Variants in RPS6KA1 observed in about 807,000 individuals in gnomAD.
RPS6KA1 encodes the protein ribosomal protein S6 kinase A1.
Under a neutral mutation model 91.3 loss-of-function variants are expected in RPS6KA1, and 48 were observed. That is an observed-to-expected ratio of 0.53 (90% CI 0.42 to 0.67). The LOEUF (loss-of-function observed/expected upper bound fraction) is 0.67. RPS6KA1 is among the 30% of genes least tolerant of loss of function. The pLI is 0.00. For missense variants in RPS6KA1, 719 were observed against 960.5 expected (o/e 0.75, Z 3.32); for synonymous variants, 359 against 384.7 (o/e 0.93, Z 0.78).
chr1:26,563,803 T>TG (rs1323796545), intron 17 of RPS6KA1, among the ~76,000 whole-genome samples: 12 of 152,110 alleles, frequency 7.9e-5, no homozygotes, highest in Middle Eastern at 3.2e-3. Context: ...TTCAGTTTTT[T>TG]GGGGGGGATG....
Position 26,561,528 on chromosome 1 carries a change from G to A in RPS6KA1, c.1455G>A (p.Val485=), listed in dbSNP as rs1236876824. 6.2e-7 allele frequency: 1 copy of A among 1,614,148 alleles called. No individual in the cohort carries two copies. Among genetic ancestry groups the A allele is most frequent in the Non-Finnish European group, 8.5e-7 (1 of 1,180,018 alleles). ...AGGTGTATGATGATGGCAAACACGT[G>A]TACCTGGTGACAGAGCTGATGCGGG... ...LKDVYDDGKH[V]YLVTELMRGG... Residue 485 remains valine, a synonymous_variant, in exon 17 of 22, where the codon GTG becomes GTA. Transcript: ENST00000374168. The surrounding 1 kb of genome is among the most constrained non-coding windows in gnomAD (Gnocchi z 5.7).
intron 1 of RPS6KA1, among the ~76,000 whole-genome samples, chr1:26,533,418 A>T (rs1231933323): frequency 6.6e-6 from 1 of 152,104 alleles, no homozygotes; most frequent in Non-Finnish European, 1.5e-5. Context: ...TCAAAAAGTG[A>T]TATGAGGCCA....
intron 4 of RPS6KA1, among the ~76,000 whole-genome samples, chr1:26,548,590 G>A (rs964857440): frequency 6.6e-6 from 1 of 152,138 alleles, no homozygotes; most frequent in Non-Finnish European, 1.5e-5. Flanking sequence ...TTGAGGTCAA[G>A]AGTTCGAGAC....
chr1:26,572,103 A>G, intron 19 of RPS6KA1, 73 bp from the exon 20 acceptor site: 1 of 1,352,382 alleles, frequency 7.4e-7, no homozygotes, highest in Non-Finnish European at 1.1e-6. Context: ...GGGGAGACAC[A>G]GTCTCCCACC....
rs2076152013 is a variant in RPS6KA1, at chr1:26,561,256, G to A, written c.1431+122G>A. 1.0e-6 allele frequency: 1 copy of A among 990,480 alleles called. No individual in the cohort carries two copies. Among genetic ancestry groups the A allele is most frequent in the South Asian group, 1.5e-5 (1 of 66,372 alleles). 61.4% of individuals were successfully genotyped at this position (990,480 alleles called of 1,614,324 possible). On this transcript the variant is annotated intron_variant, in intron 16 of 21. Transcript: ENST00000374168. This position sits in a 1 kb window ranked among gnomAD's most constrained non-coding sequence, Gnocchi z 5.7. ...CAGTGGTCATGTGGAGGGGAAGGAG[G>A]TCCCTTGGTCCCTTCAGTCTGCCCA...
rs2124653910 is a variant in RPS6KA1 at position 26,561,340 on chromosome 1, G to A, written c.1432-165G>A. Among the ~76,000 whole-genome samples, 1 of 152,102 alleles carries A rather than the reference G, an allele frequency of 6.6e-6. No individual in the cohort carries two copies. The highest frequency in any genetic ancestry group is 1.9e-4 in the East Asian group (1 of 5,178). ...TTCTGAGGACCTTCTTGCGTATCAG[G>A]AGACCAGTGTCAGCATCCTCCTTTT... On this transcript the variant is annotated intron_variant, in intron 16 of 21. Transcript: ENST00000374168. This position sits in a 1 kb window ranked among gnomAD's most constrained non-coding sequence, Gnocchi z 5.7.
chr1:26,566,451 AT>A (rs1272753971), intron 17 of RPS6KA1, among the ~76,000 whole-genome samples: 2 of 151,316 alleles, frequency 1.3e-5, no homozygotes, highest in Non-Finnish European at 3.0e-5. Flanking sequence ...CACCCAGCTA[AT>A]TTTTTTGTAT....
In RPS6KA1 at chr1:26,554,074, C is replaced by A; in HGVS notation, c.576-140C>A. ...ACCCCTGCGTGGTACTGCTACCACC[C>A]TGCAACACCCGCCCAGTCATCAGAG... On this transcript the variant is annotated intron_variant, in intron 7 of 21. Transcript: ENST00000374168. This position sits in a 1 kb window ranked among gnomAD's most constrained non-coding sequence, Gnocchi z 4.6. 1.2e-6 allele frequency: 1 copy of A among 842,402 alleles called. No homozygotes were observed. The highest frequency in any genetic ancestry group is 1.8e-6 in the Non-Finnish European group (1 of 541,106). The allele number at this position is 842,402 out of a possible 1,614,324, so 52.2% of individuals were successfully genotyped here.
chr1:26,571,231 T>C lies in RPS6KA1; in HGVS notation c.1591-218T>C, dbSNP rs2076246289. On this transcript the variant is annotated intron_variant, in intron 17 of 21. Coordinates refer to ENST00000374168, the MANE Select transcript of RPS6KA1 (RefSeq NM_002953.4). This position sits in a 1 kb window ranked among gnomAD's most constrained non-coding sequence, Gnocchi z 5.1. ...TTAGGGGAGAATTGAGAGTTCAGTT[T>C]TGACAGGTTAACTTAGAGCTACCTG... is the stretch of plus-strand genomic sequence containing the variant. 1.8e-6 allele frequency: 1 copy of C among 545,662 alleles called. No homozygotes were observed. The highest frequency in any genetic ancestry group is 3.3e-6 in the Non-Finnish European group (1 of 306,158). The allele number at this position is 545,662 out of a possible 1,614,324, so 33.8% of individuals were successfully genotyped here. A position where few individuals can be genotyped will look rare whatever the true frequency, so the allele number is the denominator to read the frequency against.
rs2076126561 is a variant in RPS6KA1, at chr1:26,558,682, G to T, written c.1085-125G>T. 5 of 1,136,994 alleles carry T rather than the reference G, an allele frequency of 4.4e-6. No homozygotes were observed. In the South Asian group the frequency reaches 6.0e-5, roughly 14 times the overall value. 70.4% of individuals were successfully genotyped at this position (1,136,994 alleles called of 1,614,324 possible). A position where few individuals can be genotyped will look rare whatever the true frequency, so the allele number is the denominator to read the frequency against. On this transcript the variant is annotated intron_variant, in intron 13 of 21. Transcript: ENST00000374168. The surrounding 1 kb of genome is among the most constrained non-coding windows in gnomAD (Gnocchi z 4.0). ...AAGGCCTGTGATGGACAGGCCCTCT[G>T]CAGGCTCCCGCCACGGCCAGCCCCT...
chr1:26,570,865 G>C (rs1570465017), intron 17 of RPS6KA1, among the ~76,000 whole-genome samples: 1 of 152,222 alleles, frequency 6.6e-6, no homozygotes, highest in Non-Finnish European at 1.5e-5. Context: ...GCTCACGCCT[G>C]TAATCCCAGC....
At chr1:26,535,158 C>G (rs977620579) in intron 1 of RPS6KA1, among the ~76,000 whole-genome samples, 2 of 152,106 alleles carry the variant, frequency 1.3e-5, no homozygotes, top group Non-Finnish European at 2.9e-5. Context: ...CCTGACCAAC[C>G]CATCCCTTCT....
chr1:26,554,796 A>T lies in RPS6KA1; in HGVS notation c.756+58A>T, dbSNP rs1557503262. ...CCAAGCCTCTGGCCTCAGTCTCCCT[A>T]TCTGTACAGTGAGGGGGTTGATCAT... On this transcript the variant is annotated intron_variant, in intron 9 of 21. Transcript: ENST00000374168. This position sits in a 1 kb window ranked among gnomAD's most constrained non-coding sequence, Gnocchi z 4.6. 5 of 1,537,846 alleles carry T rather than the reference A, an allele frequency of 3.3e-6. No homozygotes were observed. In the South Asian group the frequency reaches 6.1e-5, roughly 19 times the overall value.
chr1:26,555,160 C>G lies in RPS6KA1; in HGVS notation c.766C>G (p.Leu256Val), dbSNP rs1484560979. ...TCCTTGTCCTCTGCAGTTTGAGATG[C>G]TGACGGGCTCCCTGCCCTTCCAGGG... ...WSYGVLMFEM[L>V]TGSLPFQGKD... Residue 256 changes from leucine (L) to valine (V), a missense_variant, in exon 10 of 22, where the codon CTG becomes GTG. By Grantham distance (32) the Leu-to-Val change is conservative. This residue lies in a region of RPS6KA1 where 228 missense variants were observed against 247.6 expected (regional missense o/e 0.92). Transcript: ENST00000374168. The surrounding 1 kb of genome is among the most constrained non-coding windows in gnomAD (Gnocchi z 4.3). The G allele has an allele frequency of 6.2e-7, 1 of 1,613,974 alleles. No homozygotes were observed. Among genetic ancestry groups the G allele is most frequent in the Non-Finnish European group, 8.5e-7 (1 of 1,179,964 alleles).
rs1314145132 is a variant in RPS6KA1, at chr1:26,574,786, T to G, written c.*585T>G. The G allele has an allele frequency of 1.2e-5, 3 of 254,898 alleles. No individual in the cohort carries two copies. Among genetic ancestry groups the G allele is most frequent in the Non-Finnish European group, 2.4e-5 (3 of 126,398 alleles). 15.8% of individuals were successfully genotyped at this position (254,898 alleles called of 1,614,324 possible). ...TCTCATGTCCTGCTGGCTTCCAGCTTCAGGCACCAGCATCCACCTTGGCTC... is the reference window on the plus strand; with the variant it reads ...TCTCATGTCCTGCTGGCTTCCAGCTGCAGGCACCAGCATCCACCTTGGCTC... On this transcript the variant is annotated 3_prime_UTR_variant, in exon 22 of 22. Transcript: ENST00000374168. The surrounding 1 kb of genome is among the most constrained non-coding windows in gnomAD (Gnocchi z 4.3).
chr1:26,567,047 C>T (rs1418483170), intron 17 of RPS6KA1, among the ~76,000 whole-genome samples: 1 of 151,424 alleles, frequency 6.6e-6, no homozygotes, highest in African/African-American at 2.4e-5. Flanking sequence ...GACAGGGTCT[C>T]ACTCTGTCAC....
chr1:26,562,939 T>G (rs1356946521), intron 17 of RPS6KA1, among the ~76,000 whole-genome samples: 2 of 136,626 alleles, frequency 1.5e-5, no homozygotes, highest in African/African-American at 6.4e-5. Flanking sequence ...CGGGTTCAAG[T>G]GACTCTCCTG....
chr1:26,533,710 T>TAAATAA (rs1463252094), intron 1 of RPS6KA1, among the ~76,000 whole-genome samples: 2 of 151,836 alleles, frequency 1.3e-5, no homozygotes, highest in African/African-American at 4.8e-5. Context: ...TCTCAAAAAA[T>TAAATAA]AAATAAAAAT....
chr1:26,555,283 G>T lies in RPS6KA1; in HGVS notation c.827+62G>T. ...TCCAAGCCCCAGCCCCAGTTTGGGG[G>T]TCAGAATATTATTACCCTGTCCCTG... On this transcript the variant is annotated intron_variant, in intron 10 of 21. Transcript: ENST00000374168. The surrounding 1 kb of genome is among the most constrained non-coding windows in gnomAD (Gnocchi z 4.3). The T allele has an allele frequency of 6.6e-7, 1 of 1,522,030 alleles. No homozygotes were observed. The highest frequency in any genetic ancestry group is 9.1e-7 in the Non-Finnish European group (1 of 1,099,288). The allele number at this position is 1,522,030 out of a possible 1,614,324, so 94.3% of individuals were successfully genotyped here.
Sources: gnomAD v4.1 joint callset for allele counts (sites outside exome capture counted in the v4.1 genomes callset) on GRCh38, gnomAD v4.1.1 for gene constraint, gnomAD v4.1.1 regional missense constraint, Gnocchi (gnomAD v3.1) non-coding constraint, MANE v1.5 for transcripts, NCBI Gene and HGNC (gene_info 2026-07-23, HGNC 2026-07-21) for gene names.